The following CFAP95 variants were observed in gnomAD, a reference collection of about 807,000 sequenced individuals.
The protein encoded by CFAP95 is cilia- and flagella-associated protein 95.
chr9:69,902,610 T>C, the CFAP95 span, among the ~76,000 whole-genome samples: 3 of 152,216 alleles, frequency 2.0e-5, no homozygotes, highest in Admixed American at 6.5e-5. Flanking sequence ...ATTCCCACAA[T>C]ACCAATTTTG....
At chr9:69,887,950 T>C in the CFAP95 span, among the ~76,000 whole-genome samples, 2 of 152,196 alleles carry the variant, frequency 1.3e-5, no homozygotes, top group Non-Finnish European at 2.9e-5. Context: ...CTGGCTTCCA[T>C]CTGACTGCAA....
the CFAP95 span, chr9:69,844,476 A>G: frequency 7.5e-7 from 1 of 1,338,922 alleles, no homozygotes; most frequent in Non-Finnish European, 1.0e-6. Flanking sequence ...TACAGAATAA[A>G]TAAACTACAT....
At chr9:69,844,694 G>C in the CFAP95 span, 3 of 1,177,906 alleles carry the variant, frequency 2.5e-6, no homozygotes, top group Admixed American at 1.9e-5. Flanking sequence ...AAAGGTAAAG[G>C]GAGGAGTGTT....
the CFAP95 span, chr9:69,820,859 G>T: frequency 1.9e-6 from 3 of 1,612,830 alleles, no homozygotes; most frequent in Non-Finnish European, 2.5e-6. Flanking sequence ...CTCCTCAGAG[G>T]TCTGTACCTC....
the CFAP95 span, chr9:69,821,020 G>A: frequency 3.7e-6 from 6 of 1,613,570 alleles, no homozygotes; most frequent in Non-Finnish European, 5.1e-6. Flanking sequence ...AGCCGGTGTT[G>A]GTGTATTCCT....
At chr9:69,901,401 T>A in the CFAP95 span, among the ~76,000 whole-genome samples, 1 of 152,172 alleles carries the variant, frequency 6.6e-6, no homozygotes, top group African/African-American at 2.4e-5. Context: ...CCTCCCAAAG[T>A]GCTGGGATTA....
the CFAP95 span, among the ~76,000 whole-genome samples, chr9:69,889,222 T>A: frequency 6.6e-6 from 1 of 152,222 alleles, no homozygotes; most frequent in African/African-American, 2.4e-5. Flanking sequence ...CAAAAGGTCA[T>A]AAGGTTAGAC....
At chr9:69,844,589 T>C in the CFAP95 span, 7 of 1,613,498 alleles carry the variant, frequency 4.3e-6, no homozygotes. Context: ...AACTGTGTAA[T>C]TCAACATATC....
At chr9:69,871,390 T>C in the CFAP95 span, among the ~76,000 whole-genome samples, 1 of 152,010 alleles carries the variant, frequency 6.6e-6, no homozygotes, top group Non-Finnish European at 1.5e-5. Flanking sequence ...CTTTATCATG[T>C]AGATGGTATG....
At chr9:69,856,730 A>G in the CFAP95 span, 2 of 1,251,522 alleles carry the variant, frequency 1.6e-6, no homozygotes, top group South Asian at 1.3e-5. Flanking sequence ...AAGGACTTGT[A>G]TAAGTAGCAA....
the CFAP95 span, among the ~76,000 whole-genome samples, chr9:69,874,896 T>C: frequency 6.6e-6 from 1 of 152,100 alleles, no homozygotes; most frequent in Non-Finnish European, 1.5e-5. Flanking sequence ...TAAGTCCGGG[T>C]TGGTGGATTG....
At chr9:69,822,732 GAGA>G in the CFAP95 span, among the ~76,000 whole-genome samples, 2 of 152,236 alleles carry the variant, frequency 1.3e-5, no homozygotes, top group African/African-American at 2.4e-5. Flanking sequence ...GAACACAAAT[GAGA>G]AGAAGGTGAG....
chr9:69,854,008 G>A, the CFAP95 span, among the ~76,000 whole-genome samples: 1 of 152,192 alleles, frequency 6.6e-6, no homozygotes, highest in South Asian at 2.1e-4. Flanking sequence ...TCATATCTAA[G>A]TGTAAAATAA....
the CFAP95 span, among the ~76,000 whole-genome samples, chr9:69,863,950 A>G: frequency 6.6e-6 from 1 of 152,100 alleles, no homozygotes; most frequent in African/African-American, 2.4e-5. Context: ...GGTCCACAGG[A>G]GAAGTCAGGT....
chr9:69,867,161 T>C, the CFAP95 span, among the ~76,000 whole-genome samples: 24 of 152,352 alleles, frequency 1.6e-4, no homozygotes, highest in African/African-American at 5.8e-4. Flanking sequence ...GAACTTGGAT[T>C]GTGTGCCTTG....
the CFAP95 span, among the ~76,000 whole-genome samples, chr9:69,847,887 T>C: frequency 6.6e-6 from 1 of 152,224 alleles, no homozygotes; most frequent in Non-Finnish European, 1.5e-5. Flanking sequence ...CTTACTTTTG[T>C]CTACGTTTTG....
chr9:69,890,049 A>G, the CFAP95 span, among the ~76,000 whole-genome samples: 1 of 152,146 alleles, frequency 6.6e-6, no homozygotes, highest in Admixed American at 6.5e-5. Context: ...AACAAGTGTG[A>G]TGGTTTATCA....
the CFAP95 span, among the ~76,000 whole-genome samples, chr9:69,878,534 A>G: frequency 6.6e-6 from 1 of 152,156 alleles, no homozygotes; most frequent in Non-Finnish European, 1.5e-5. Context: ...GGTATTCCCT[A>G]TCCTTCACTA....
the CFAP95 span, chr9:69,902,450 G>GT: frequency 2.8e-6 from 1 of 352,722 alleles, no homozygotes. Context: ...TTAGAAGCTG[G>GT]TATGACTTTT....
Sources: gnomAD v4.1 joint callset for allele counts (sites outside exome capture counted in the v4.1 genomes callset) on GRCh38, gnomAD v4.1.1 for gene constraint, MANE v1.5 for transcripts, NCBI Gene and HGNC (gene_info 2026-07-23, HGNC 2026-07-21) for gene names.